The following TIMM44 variants were observed in gnomAD, a reference collection of about 807,000 sequenced individuals.
TIMM44 encodes mitochondrial import inner membrane translocase subunit TIM44.
Under a neutral mutation model 63.8 loss-of-function variants are expected in TIMM44, and 37 were observed. The ratio of observed to expected loss-of-function variants is 0.58; its 90% CI spans 0.45 to 0.76. TIMM44 has a LOEUF of 0.76. Among genes scored for constraint, TIMM44 ranks in the 30% least tolerant of loss-of-function variants. The pLI, the probability that TIMM44 is intolerant of heterozygous loss-of-function variation, is 0.00. For missense variants in TIMM44, 573 were observed against 603.8 expected (o/e 0.95, Z 0.54); for synonymous variants, 239 against 245.1 (o/e 0.98, Z 0.23).
At chr19:7,941,024 C>A (rs569911207) in intron 2 of TIMM44, 78 bp downstream of exon 2, 6 of 1,183,188 alleles carry the variant, frequency 5.1e-6, no homozygotes, top group Admixed American at 1.7e-5. Flanking sequence ...TACAGCCCCA[C>A]CCCTCCCTCC....
rs1448075283 is a variant in TIMM44, at chr19:7,927,211, G to A, written c.1335C>T (p.Ala445=). 6.2e-7 allele frequency: 1 copy of A among 1,611,058 alleles called. No homozygotes were observed. The highest frequency in any genetic ancestry group is 8.5e-7 in the Non-Finnish European group (1 of 1,179,804). The stretch of plus-strand genomic sequence containing the variant: ...CTCAGAGAATCTGCTCGGTGCTGGA[G>A]GCCGAGATGTCCAGGAGCCGCCAGG... The part of the protein sequence containing the change: ...YAAWRLLDIS[A]SSTEQIL Residue 445 remains alanine, a synonymous_variant, in exon 13 of 13, where the codon GCC becomes GCT. Transcript: ENST00000270538.
chr19:7,942,302 G>A (rs1052911083), intron 1 of TIMM44, among the ~76,000 whole-genome samples: 1 of 152,094 alleles, frequency 6.6e-6, no homozygotes, highest in Non-Finnish European at 1.5e-5. Context: ...CTTAAGTTCT[G>A]TGCAGGCACT....
At position 7,926,776 on chromosome 19, in the gene TIMM44, G is replaced by A; in HGVS notation, c.*411C>T. The A allele has an allele frequency of 3.5e-6, 1 of 288,692 alleles. No individual in the cohort carries two copies. The highest frequency in any genetic ancestry group is 6.9e-6 in the Non-Finnish European group (1 of 145,208). The allele number at this position is 288,692 out of a possible 1,614,324, so 17.9% of individuals were successfully genotyped here. A position where few individuals can be genotyped will look rare whatever the true frequency, so the allele number is the denominator to read the frequency against. On this transcript the variant is annotated 3_prime_UTR_variant, in exon 13 of 13. Transcript: ENST00000270538. ...AAATCTCAGGCTTATGCACAAGATG[G>A]AAGAGCACTGTTAAAATTAAAAAAT...
At position 7,938,174 on chromosome 19, in the gene TIMM44, G is replaced by A. The variant is rs147528297; in HGVS notation, c.165C>T (p.Asn55=). 3.7e-5 allele frequency: 60 copies of A among 1,613,188 alleles called. No individual in the cohort carries two copies. The highest frequency in any genetic ancestry group is 4.8e-5 in the Non-Finnish European group (57 of 1,179,872). ...GCAAGCCGGACAGAAAGCCTTTTCT[G>A]TTTCCAGAAGAATATGATTTGGACT... ...LPLSKSYSSG[N]RKGFLSGLLD... The change falls in exon 3 of 13, where the codon AAC becomes AAT. Residue 55 remains asparagine (N), a synonymous_variant. Transcript: ENST00000270538.
Position 7,941,119 on chromosome 19 carries a change from C to T in TIMM44, c.124G>A (p.Gly42Ser). ...HGSTYQMRRP[G>S]GELPLSKSYS... ...TCACTCACCAGTGGCAGCTCTCCGC[C>T]CGGCCGGCGCATCTGATAGGTCGAC... The change falls in exon 2 of 13, where the codon GGC becomes AGC. Residue 42 changes from glycine (G) to serine (S), a missense_variant. Coordinates refer to ENST00000270538, the MANE Select transcript of TIMM44 (RefSeq NM_006351.4). The T allele has an allele frequency of 6.2e-7, 1 of 1,614,046 alleles. No individual in the cohort carries two copies. The highest frequency in any genetic ancestry group is 8.5e-7 in the Non-Finnish European group (1 of 1,179,984).
At chr19:7,935,790 G>GCTTGGT (rs1236255059) in intron 3 of TIMM44, among the ~76,000 whole-genome samples, 1 of 152,158 alleles carries the variant, frequency 6.6e-6, no homozygotes, top group Non-Finnish European at 1.5e-5. Flanking sequence ...AGCCACCACA[G>GCTTGGT]CTTGGTCTTA....
rs372194618 is a variant in TIMM44 at position 7,938,239 on chromosome 19, A to G, written c.142-42T>C. On this transcript the variant is annotated intron_variant, in intron 2 of 12. Transcript: ENST00000270538. ...AGAAAAAAAATTTAAAGAACATAGT[A>G]GAACATAGAATGAAATGCCCCACAG... 1.8e-5 allele frequency: 28 copies of G among 1,543,814 alleles called. No homozygotes were observed. The African/African-American group carries it at 3.7e-4, about 21-fold the overall frequency.
chr19:7,928,330 T>C (rs984072604), intron 10 of TIMM44, 164 bp from the exon 11 acceptor site: 7 of 620,688 alleles, frequency 1.1e-5, no homozygotes, highest in Non-Finnish European at 1.2e-5. Context: ...GCCACCCACT[T>C]ACTGGCCCAG....
intron 10 of TIMM44, among the ~76,000 whole-genome samples, chr19:7,929,910 G>A (rs897920606): frequency 1.3e-5 from 2 of 152,044 alleles, no homozygotes; most frequent in African/African-American, 2.4e-5. Flanking sequence ...GTGCAGTGGT[G>A]CAATCTCGGC....
chr19:7,927,522 C>A, intron 12 of TIMM44, 135 bp downstream of exon 12: 1 of 1,108,348 alleles, frequency 9.0e-7, no homozygotes, highest in Non-Finnish European at 1.4e-6. Flanking sequence ...CAAACTCTGG[C>A]CCAGAGGTTT....
At chr19:7,935,167 CTTTTT>C (rs753419157) in intron 3 of TIMM44, 22 bp from the exon 4 acceptor site, 516 of 1,252,044 alleles carry the variant, frequency 4.1e-4, no homozygotes, top group Middle Eastern at 7.1e-4. Context: ...GCGCTGTGTC[CTTTTT>C]TTTTTTTTTT....
Position 7,934,430 on chromosome 19 carries a change from A to T in TIMM44, c.394-192T>A, listed in dbSNP as rs1425233811. On this transcript the variant is annotated intron_variant, in intron 4 of 12. Coordinates refer to ENST00000270538, the MANE Select transcript of TIMM44 (RefSeq NM_006351.4). The surrounding 1 kb of genome is among the most constrained non-coding windows in gnomAD (Gnocchi z 5.3). ...CAACGGCACCCCCAGAGCCACGAGC[A>T]CACCGCCACCCCCAGAGCCACGAGC... is the stretch of plus-strand genomic sequence containing the variant. Among the ~76,000 whole-genome samples the T allele has an allele frequency of 6.6e-6, 1 of 151,010 alleles. No homozygotes were observed. The highest frequency in any genetic ancestry group is 1.9e-4 in the East Asian group (1 of 5,136).
chr19:7,937,327 C>CCACT (rs1366099541), intron 3 of TIMM44, among the ~76,000 whole-genome samples: 25 of 152,214 alleles, frequency 1.6e-4, no homozygotes, highest in Non-Finnish European at 2.6e-4. Flanking sequence ...CCACCAGGCT[C>CCACT]CACTCAGAGG....
chr19:7,927,879 C>T, intron 11 of TIMM44, 112 bp from the exon 12 acceptor site: 2 of 1,213,342 alleles, frequency 1.6e-6, no homozygotes, highest in Non-Finnish European at 2.4e-6. Context: ...GCACCAGGCC[C>T]AGCACCGGTC....
At chr19:7,928,211 G>T in intron 10 of TIMM44, 45 bp from the exon 11 acceptor site, 1 of 1,535,936 alleles carries the variant, frequency 6.5e-7, no homozygotes, top group South Asian at 1.1e-5. Flanking sequence ...ACCCAGGGTG[G>T]GCACCACGCC....
At chr19:7,931,057 C>T (rs1017503579) in intron 10 of TIMM44, 81 bp downstream of exon 10, 29 of 1,386,306 alleles carry the variant, frequency 2.1e-5, no homozygotes, top group African/African-American at 1.2e-4. Context: ...GCTACCCCAA[C>T]GGAGCCACCG....
Position 7,933,133 on chromosome 19 carries a change from C to T in TIMM44, c.770-201G>A, listed in dbSNP as rs931258844. 6.6e-6 allele frequency among the ~76,000 whole-genome samples: 1 copy of T among 152,184 alleles called. No individual in the cohort carries two copies. Among genetic ancestry groups the T allele is most frequent in the Non-Finnish European group, 1.5e-5 (1 of 68,026 alleles). The stretch of plus-strand genomic sequence containing the variant: ...CCACCTACCTGGCCAGGCGCAGAGG[C>T]CCCTCAGCTGCGGCCCTAATGGGGC... On this transcript the variant is annotated intron_variant, in intron 7 of 12. Coordinates refer to ENST00000270538, the MANE Select transcript of TIMM44 (RefSeq NM_006351.4). This position sits in a 1 kb window ranked among gnomAD's most constrained non-coding sequence, Gnocchi z 4.3.
intron 10 of TIMM44, 97 bp from the exon 11 acceptor site, chr19:7,928,263 T>TG: frequency 9.3e-7 from 1 of 1,071,504 alleles, no homozygotes; most frequent in Non-Finnish European, 1.4e-6. Flanking sequence ...CCAGGTGCCC[T>TG]GCCGCCAGCC....
rs1984051440 is a variant in TIMM44 at position 7,933,628 on chromosome 19, C to T, written c.684-58G>A. 1 of 1,498,710 alleles carries T rather than the reference C, an allele frequency of 6.7e-7. No individual in the cohort carries two copies. Among genetic ancestry groups the T allele is most frequent in the South Asian group, 1.1e-5 (1 of 88,728 alleles). The allele number at this position is 1,498,710 out of a possible 1,614,324, so 92.8% of individuals were successfully genotyped here. ...CGGCGCCAGGGCCACCCTGTGCCCT[C>T]CTGCGGCTGCAGGCAGGGGGCAGTA... is the stretch of plus-strand genomic sequence containing the variant. On this transcript the variant is annotated intron_variant, in intron 6 of 12. Coordinates refer to ENST00000270538, the MANE Select transcript of TIMM44 (RefSeq NM_006351.4). This position sits in a 1 kb window ranked among gnomAD's most constrained non-coding sequence, Gnocchi z 4.3.
Sources: gnomAD v4.1 joint callset for allele counts (sites outside exome capture counted in the v4.1 genomes callset) on GRCh38, gnomAD v4.1.1 for gene constraint, Gnocchi (gnomAD v3.1) non-coding constraint, MANE v1.5 for transcripts, NCBI Gene and HGNC (gene_info 2026-07-23, HGNC 2026-07-21) for gene names.